Variants in KIF6 observed in about 807,000 individuals in gnomAD.
The protein encoded by KIF6 is kinesin-like protein KIF6.
KIF6 carries 106 observed loss-of-function variants against 112.7 expected under a neutral mutation model. The ratio of observed to expected loss-of-function variants is 0.94; its 90% confidence interval spans 0.80 to 1.11. KIF6 has a LOEUF of 1.11. Among genes scored for constraint, KIF6 ranks in the 50% least tolerant of loss-of-function variants. KIF6 has a pLI of 0.00. For synonymous variants in KIF6, 339 were observed against 339.9 expected, an observed-to-expected ratio of 1.00 and a Z score of 0.03; for missense variants, 929 against 964.0, an observed-to-expected ratio of 0.96 and a Z score of 0.48.
At chr6:39,685,266 C>T (rs530119787) in intron 3 of KIF6, among the ~76,000 whole-genome samples, 2 of 152,208 alleles carry the variant, frequency 1.3e-5, no homozygotes, top group Non-Finnish European at 2.9e-5. Context: ...AACAAGGCCT[C>T]AGGAAACAAA....
chr6:39,398,084 ATGT>A (rs1768405812), intron 15 of KIF6, among the ~76,000 whole-genome samples: 1 of 152,332 alleles, frequency 6.6e-6, no homozygotes, highest in Admixed American at 6.5e-5. Context: ...GATGAATGAA[ATGT>A]TATTATGATT....
chr6:39,442,210 T>G (rs1415665157), intron 13 of KIF6, among the ~76,000 whole-genome samples: 1 of 152,174 alleles, frequency 6.6e-6, no homozygotes, highest in African/African-American at 2.4e-5. Context: ...TTCACCCACC[T>G]GCTGCGGCTG....
chr6:39,658,676 T>G (rs1031339300), intron 3 of KIF6, among the ~76,000 whole-genome samples: 1 of 152,174 alleles, frequency 6.6e-6, no homozygotes, highest in African/African-American at 2.4e-5. Context: ...CTACTTAACA[T>G]GTTAAGTTCA....
In KIF6 at chr6:39,341,348, T is replaced by C. The variant is rs1421958736; in HGVS notation, c.2428+2361A>G. On this transcript the variant is annotated intron_variant, in intron 22 of 22. Coordinates refer to ENST00000287152, the MANE Select transcript of KIF6 (RefSeq NM_145027.6). ...CTTGTGCTTCTCCAGCTTGTGCTTC[T>C]CCAGCTTGTGCCTGAGGCCATACCC... 2.0e-5 allele frequency among the ~76,000 whole-genome samples: 3 copies of C among 150,846 alleles called. No homozygotes were observed. The East Asian group carries it at 5.8e-4, about 29-fold the overall frequency.
At chr6:39,355,825 A>G (rs981497997) in intron 19 of KIF6, among the ~76,000 whole-genome samples, 7 of 151,586 alleles carry the variant, frequency 4.6e-5, no homozygotes, top group African/African-American at 1.7e-4. Context: ...TTTACAGAAA[A>G]GTTGGAAAGA....
intron 9 of KIF6, among the ~76,000 whole-genome samples, chr6:39,583,674 CTTTTTTTTTTTTTTTTTTTTTT>C (rs564229262): frequency 1.4e-5 from 1 of 71,708 alleles, no homozygotes; most frequent in South Asian, 5.2e-4. Context: ...GATTTCACTT[CTTTTTTTTTTTTTTTTTTTTTT>C]TTTTTTTTTT....
At chr6:39,468,402 A>G (rs562928578) in intron 13 of KIF6, among the ~76,000 whole-genome samples, 132 of 152,338 alleles carry the variant, frequency 8.7e-4, no homozygotes, top group African/African-American at 3.1e-3. Context: ...GGATCAATAC[A>G]AAGAGATCCA....
chr6:39,615,572 G>C (rs1582277328), intron 5 of KIF6, among the ~76,000 whole-genome samples: 1 of 151,788 alleles, frequency 6.6e-6, no homozygotes, highest in South Asian at 2.1e-4. Flanking sequence ...TTGGTCCAGG[G>C]TATGGTCTGG....
At chr6:39,688,930 C>T (rs1181208874) in intron 3 of KIF6, among the ~76,000 whole-genome samples, 1 of 152,150 alleles carries the variant, frequency 6.6e-6, no homozygotes, top group Non-Finnish European at 1.5e-5. Context: ...TAGTGAGACT[C>T]CATCTCTATG....
intron 5 of KIF6, chr6:39,620,526 T>C (rs1489800613): frequency 5.3e-5 from 8 of 152,164 alleles, no homozygotes; most frequent in Admixed American, 2.6e-4. Context: ...TTTACTTTTA[T>C]TTTCATTTTA....
At chr6:39,446,071 G>C (rs563777325) in intron 13 of KIF6, among the ~76,000 whole-genome samples, 1 of 152,174 alleles carries the variant, frequency 6.6e-6, no homozygotes, top group East Asian at 1.9e-4. Flanking sequence ...TGTGATTCCT[G>C]TTCAGTGGTG....
chr6:39,349,631 C>CTTTTTTTTTTTTTTT lies in KIF6; in HGVS notation c.2181-3120_2181-3106dup, dbSNP rs58810898. Among the ~76,000 whole-genome samples the CTTTTTTTTTTTTTTT allele has an allele frequency of 4.3e-4, 28 of 64,562 alleles. 3 individuals are homozygous for CTTTTTTTTTTTTTTT. The highest frequency in any genetic ancestry group is 2.4e-3 in the East Asian group (3 of 1,274). The allele number at this position is 64,562 out of a possible 152,430, so 42.4% of individuals were successfully genotyped here. A position where few individuals can be genotyped will look rare whatever the true frequency, so the allele number is the denominator to read the frequency against. ...GAAGGTCTAGGTTTAATTTGTGGCT[C>CTTTTTTTTTTTTTTT]TTTTTTTTTTTTTTTTTTTTTTTTT... On this transcript the variant is annotated intron_variant, in intron 19 of 22. Transcript: ENST00000287152.
intron 13 of KIF6, among the ~76,000 whole-genome samples, chr6:39,447,874 G>A (rs2150403878): frequency 6.6e-6 from 1 of 152,182 alleles, no homozygotes; most frequent in Middle Eastern, 3.4e-3. Context: ...ATCCTGGATT[G>A]CCAAAACCAG....
At chr6:39,618,487 C>A (rs1405931466) in intron 5 of KIF6, among the ~76,000 whole-genome samples, 1 of 152,096 alleles carries the variant, frequency 6.6e-6, no homozygotes, top group Non-Finnish European at 1.5e-5. Context: ...ATGCGCCCTC[C>A]CTTTTGGAGT....
intron 13 of KIF6, among the ~76,000 whole-genome samples, chr6:39,452,960 G>C (rs767837035): frequency 2.0e-5 from 3 of 152,218 alleles, no homozygotes; most frequent in Non-Finnish European, 4.4e-5. Context: ...GGTCAAGGAA[G>C]AAACATCTTT....
intron 19 of KIF6, among the ~76,000 whole-genome samples, chr6:39,350,037 T>C (rs1764119500): frequency 6.6e-6 from 1 of 152,202 alleles, no homozygotes; most frequent in African/African-American, 2.4e-5. Context: ...ATGGGGAGGC[T>C]GAACTCTGGG....
At chr6:39,484,393 G>C (rs79952080) in intron 13 of KIF6, among the ~76,000 whole-genome samples, 4,117 of 152,220 alleles carry the variant, frequency 0.027, 192 homozygotes, top group African/African-American at 0.093. Flanking sequence ...ATATGATAAG[G>C]TGTCATAAAA....
intron 13 of KIF6, among the ~76,000 whole-genome samples, chr6:39,515,629 C>A (rs933053851): frequency 6.6e-6 from 1 of 152,190 alleles, no homozygotes; most frequent in Non-Finnish European, 1.5e-5. Context: ...TCTGGTGTGA[C>A]AACCCGGAAT....
chr6:39,401,380 A>C (rs1768689288), intron 15 of KIF6, among the ~76,000 whole-genome samples: 1 of 152,184 alleles, frequency 6.6e-6, no homozygotes, highest in Non-Finnish European at 1.5e-5. Context: ...CAAGTAGTTT[A>C]TTTGGGAAAT....
Sources: gnomAD v4.1 joint callset for allele counts (sites outside exome capture counted in the v4.1 genomes callset) on GRCh38, gnomAD v4.1.1 for gene constraint, MANE v1.5 for transcripts, NCBI Gene and HGNC (gene_info 2026-07-23, HGNC 2026-07-21) for gene names.